The following ZNF695 variants were observed in gnomAD, a reference collection of about 807,000 sequenced individuals.
The protein encoded by ZNF695 is zinc finger protein SBZF3.
ZNF695 carries 11 observed loss-of-function variants against 11.2 expected under a neutral mutation model. That is an observed-to-expected ratio of 0.98 (90% CI 0.62 to 1.62). The LOEUF is 1.62. Ranked by LOEUF, ZNF695 falls within the 40% of genes most tolerant of loss-of-function variation. The probability of loss-of-function intolerance (pLI) is 0.00; values close to 1 mark genes in which losing one functional copy is unlikely to be tolerated. For missense variants in ZNF695, 559 were observed against 590.5 expected (o/e 0.95, Z 0.55); for synonymous variants, 190 against 201.4 (o/e 0.94, Z 0.48).
chr1:246,960,992 G>C (rs991991028), intron 5 of ZNF695, among the ~76,000 whole-genome samples: 2 of 152,134 alleles, frequency 1.3e-5, no homozygotes, highest in Admixed American at 1.3e-4. Context: ...AAGGTCTTTT[G>C]AGCTCAAAAA....
intron 1 of ZNF695, among the ~76,000 whole-genome samples, chr1:247,001,170 A>C (rs1669368339): frequency 6.6e-6 from 1 of 152,178 alleles, no homozygotes; most frequent in African/African-American, 2.4e-5. Flanking sequence ...AGTGACACCC[A>C]TAGGCTAAAA....
At position 246,961,719 on chromosome 1, in the gene ZNF695, G is replaced by C. The variant is rs1168293256; in HGVS notation, c.488+5976C>G. 2.0e-5 allele frequency among the ~76,000 whole-genome samples: 3 copies of C among 152,024 alleles called. No individual in the cohort carries two copies. In the East Asian group the frequency reaches 5.8e-4, roughly 29 times the overall value. On this transcript the variant is annotated intron_variant, in intron 5 of 5. Transcript: ENST00000487338. ...AAAGATGCTTTAGACTATTTTCTTGGGTGCTGCCCTCGGGCTCCACATCCT... is the reference window on the plus strand; with the variant it reads ...AAAGATGCTTTAGACTATTTTCTTGCGTGCTGCCCTCGGGCTCCACATCCT...
In ZNF695 at chr1:246,945,884, T is replaced by C. The variant is rs370630789; in HGVS notation, c.489-57A>G. The C allele has an allele frequency of 6.4e-5, 98 of 1,542,116 alleles. No homozygotes were observed. In the Middle Eastern group the frequency reaches 1.8e-3, roughly 29 times the overall value. On this transcript the variant is annotated intron_variant, in intron 5 of 5. Transcript: ENST00000487338. ...AGGTTCCGAGTAGCTCCTTGGGATA[T>C]GATTTATGCTGAGGTGTTAAACCGG...
chr1:246,984,279 TTAAAAAA>T (rs1668790424), downstream of ZNF695, among the ~76,000 whole-genome samples: 1 of 125,466 alleles, frequency 8.0e-6, no homozygotes, highest in Non-Finnish European at 1.7e-5. Context: ...AACACAGGTT[TTAAAAAA>T]AAAAAAAAAA....
chr1:246,965,356 C>CAA (rs576946423), intron 5 of ZNF695, among the ~76,000 whole-genome samples: 24 of 67,444 alleles, frequency 3.6e-4, no homozygotes, highest in African/African-American at 4.6e-4. Flanking sequence ...GACTCTGTCT[C>CAA]AAAAAAAAAA....
Position 246,985,569 on chromosome 1 carries a change from C to T in ZNF695, c.*1398G>A, listed in dbSNP as rs751028479. ...ATAGGTTAACGTTGGTGGTAGGATA[C>T]GCATCACTTAATGTACAACGGTCCA... On this transcript the variant is annotated 3_prime_UTR_variant, in exon 4 of 4. Transcript: ENST00000339986. 5.6e-5 allele frequency: 55 copies of T among 984,774 alleles called. No individual in the cohort carries two copies. Among genetic ancestry groups the T allele is most frequent in the Non-Finnish European group, 6.1e-5 (51 of 829,874 alleles). The allele number at this position is 984,774 out of a possible 1,614,324, so 61.0% of individuals were successfully genotyped here.
rs1483553754 is a variant in ZNF695, at chr1:246,988,194, T to C, written c.321A>G (p.Gln107=). The C allele has an allele frequency of 3.1e-6, 5 of 1,604,610 alleles. No homozygotes were observed. Among genetic ancestry groups the C allele is most frequent in the South Asian group, 1.1e-5 (1 of 88,850 alleles). The change falls in exon 4 of 4, where the codon CAA becomes CAG. Residue 107 remains glutamine (Q), a synonymous_variant. Transcript: ENST00000339986. Reference sequence around the variant, plus strand: ...TTTCATATCTTCTCAGCATCACTTTTTGGAATGAAACTTGCAGGCCCTGCT... The same window carrying C: ...TTTCATATCTTCTCAGCATCACTTTCTGGAATGAAACTTGCAGGCCCTGCT... ...LPEQGLQVSF[Q]KVMLRRYERC... is the part of the protein sequence containing the mutation.
intron 5 of ZNF695, among the ~76,000 whole-genome samples, chr1:246,958,097 C>G (rs1258736357): frequency 1.3e-5 from 2 of 148,860 alleles, no homozygotes; most frequent in Non-Finnish European, 3.0e-5. Context: ...CTTGCTCTGT[C>G]GCCCAGGCTG....
At chr1:247,006,117 C>T (rs373665545) in intron 1 of ZNF695, among the ~76,000 whole-genome samples, 20 of 151,062 alleles carry the variant, frequency 1.3e-4, no homozygotes, top group Admixed American at 5.3e-4. Flanking sequence ...CCCAGCTACT[C>T]GGGAGGCTGA....
Position 246,961,417 on chromosome 1 carries a change from C to G in ZNF695, c.488+6278G>C, listed in dbSNP as rs148837647. Among the ~76,000 whole-genome samples the G allele has an allele frequency of 4.7e-3, 719 of 152,284 alleles. 9 individuals carry two copies. Among genetic ancestry groups the G allele is most frequent in the African/African-American group, 0.016 (678 of 41,552 alleles). On this transcript the variant is annotated intron_variant, in intron 5 of 5. Transcript: ENST00000487338. ...TCTTCTGCCTCCCACAGTGCCTGTT[C>G]TTAAATCCTAAGCCCCATTATTGCT...
In ZNF695 at chr1:246,988,199, A is replaced by G; in HGVS notation, c.316T>C (p.Phe106Leu). The change falls in exon 4 of 4, where the codon TTC (phenylalanine) becomes CTC (leucine). Residue 106 changes from phenylalanine to leucine, a missense_variant. Transcript: ENST00000339986. ...ILPEQGLQVSFQKVMLRRYER... is the reference protein window; with the variant it reads ...ILPEQGLQVSLQKVMLRRYER... The stretch of plus-strand genomic sequence containing the variant: ...TATCTTCTCAGCATCACTTTTTGGA[A>G]TGAAACTTGCAGGCCCTGCTCTGGC... The G allele has an allele frequency of 6.2e-7, 1 of 1,603,468 alleles. No individual in the cohort carries two copies. The highest frequency in any genetic ancestry group is 8.5e-7 in the Non-Finnish European group (1 of 1,176,446).
chr1:246,977,305 G>A (rs761355136), intron 4 of ZNF695, among the ~76,000 whole-genome samples: 3 of 152,212 alleles, frequency 2.0e-5, no homozygotes, highest in Non-Finnish European at 4.4e-5. Flanking sequence ...CGCCCAGGCT[G>A]GAGTGCAGTG....
At position 246,986,866 on chromosome 1, in the gene ZNF695, A is replaced by G; in HGVS notation, c.*101T>C. ...GACTGTAAATGGCCTTTTGACAGTC[A>G]TTACATTTGTAACACTCTTATTCAG... On this transcript the variant is annotated 3_prime_UTR_variant, in exon 4 of 4. Coordinates refer to ENST00000339986, the MANE Select transcript of ZNF695 (RefSeq NM_020394.5). 2 of 1,464,890 alleles carry G rather than the reference A, an allele frequency of 1.4e-6. No individual in the cohort carries two copies. The highest frequency in any genetic ancestry group is 1.5e-5 in the South Asian group (1 of 66,626). 90.7% of individuals were successfully genotyped at this position (1,464,890 alleles called of 1,614,324 possible).
chr1:247,005,290 C>T (rs1669499575), intron 1 of ZNF695, among the ~76,000 whole-genome samples: 2 of 152,204 alleles, frequency 1.3e-5, no homozygotes, highest in Non-Finnish European at 2.9e-5. Context: ...CATACATCTA[C>T]AGCAAATTAA....
chr1:246,989,179 C>T (rs1034827440), intron 3 of ZNF695, among the ~76,000 whole-genome samples: 2 of 150,660 alleles, frequency 1.3e-5, no homozygotes, highest in East Asian at 1.9e-4. Context: ...GCAGGAGAAT[C>T]GCTTGAACCC....
intron 4 of ZNF695, chr1:246,968,241 T>G (rs1242815039): frequency 1.3e-5 from 2 of 152,230 alleles, no homozygotes. Context: ...AAGGGAGACA[T>G]TGGCCAAAAC....
At position 246,986,999 on chromosome 1, in the gene ZNF695, G is replaced by T; in HGVS notation, c.1516C>A (p.Gln506Lys). ...TGAGTTTTCTCATGTACAGCAAGTT[G>T]TGCAGAGTGGTTAAAGGCTTTGCCA... ...ECGKAFNHSA[Q>K]LAVHEKTHT The change falls in exon 4 of 4, where the codon CAA becomes AAA. Residue 506 changes from glutamine to lysine, a missense_variant. Transcript: ENST00000339986. The T allele has an allele frequency of 6.2e-7, 1 of 1,602,008 alleles. No individual in the cohort carries two copies. The highest frequency in any genetic ancestry group is 1.7e-5 in the Admixed American group (1 of 57,554).
At chr1:246,995,479 A>C (rs1669174426) in intron 3 of ZNF695, among the ~76,000 whole-genome samples, 1 of 152,164 alleles carries the variant, frequency 6.6e-6, no homozygotes, top group African/African-American at 2.4e-5. Context: ...AACCATGAAG[A>C]GCGCAACAAT....
rs10924875 is a variant in ZNF695, at chr1:246,962,448, C to A, written c.488+5247G>T. On this transcript the variant is annotated intron_variant, in intron 5 of 5. Transcript: ENST00000487338. ...TACCTCACAGACGATTTGTTTACCACGTCATAAAGATTTTACTTCTTAAAT... is the reference window on the plus strand; with the variant it reads ...TACCTCACAGACGATTTGTTTACCAAGTCATAAAGATTTTACTTCTTAAAT... Among the ~76,000 whole-genome samples the A allele has an allele frequency of 3.9e-5, 6 of 152,162 alleles. No individual in the cohort carries two copies. The South Asian group carries it at 1.2e-3, about 32-fold the overall frequency.
Sources: gnomAD v4.1 joint callset for allele counts (sites outside exome capture counted in the v4.1 genomes callset) on GRCh38, gnomAD v4.1.1 for gene constraint, MANE v1.5 for transcripts, NCBI Gene and HGNC (gene_info 2026-07-23, HGNC 2026-07-21) for gene names.